The following CSMD3 variants were observed in gnomAD, a reference collection of about 807,000 sequenced individuals.
CSMD3 encodes CUB and sushi domain-containing protein 3.
Under a neutral mutation model 435.2 loss-of-function variants are expected in CSMD3, and 177 were observed. The observed-to-expected ratio is 0.41, with a 90% CI of 0.36 to 0.46. The LOEUF (loss-of-function observed/expected upper bound fraction) is 0.46. Among genes scored for constraint, CSMD3 ranks in the 20% least tolerant of loss-of-function variants. The probability of loss-of-function intolerance (pLI) is 0.34; values close to 1 mark genes in which losing one functional copy is unlikely to be tolerated. For synonymous variants in CSMD3, 1,656 were observed against 1,520.5 expected (o/e 1.09, Z -2.07); for missense variants, 4,265 against 4,504.6 (o/e 0.95, Z 1.52).
intron 13 of CSMD3, among the ~76,000 whole-genome samples, chr8:112,770,187 T>C (rs1318749887): frequency 6.6e-6 from 1 of 152,048 alleles, no homozygotes; most frequent in African/African-American, 2.4e-5. Context: ...TGCTATGTTT[T>C]GAATGTTTGT....
intron 4 of CSMD3, among the ~76,000 whole-genome samples, chr8:113,135,223 TAC>T (rs2091387231): frequency 6.6e-6 from 1 of 151,948 alleles, no homozygotes; most frequent in Non-Finnish European, 1.5e-5. Flanking sequence ...TTGTTATATG[TAC>T]ACACAAATGA....
intron 3 of CSMD3, among the ~76,000 whole-genome samples, chr8:113,243,996 T>C (rs2093249048): frequency 1.3e-5 from 2 of 152,348 alleles, no homozygotes. Flanking sequence ...CATTATAGTA[T>C]AGACTTGTAT....
chr8:112,283,314 TTTG>T (rs1818848072), intron 58 of CSMD3, among the ~76,000 whole-genome samples: 1 of 151,884 alleles, frequency 6.6e-6, no homozygotes, highest in Non-Finnish European at 1.5e-5. Flanking sequence ...TTGCCTTTCT[TTTG>T]TTGCTAGAGA....
intron 24 of CSMD3, among the ~76,000 whole-genome samples, chr8:112,570,016 G>A (rs918356416): frequency 6.6e-6 from 1 of 152,076 alleles, no homozygotes; most frequent in African/African-American, 2.4e-5. Context: ...AATGAAACTG[G>A]AATCATTGTA....
At chr8:112,555,628 T>C (rs913244804) in intron 25 of CSMD3, among the ~76,000 whole-genome samples, 4 of 152,060 alleles carry the variant, frequency 2.6e-5, no homozygotes, top group African/African-American at 7.2e-5. Flanking sequence ...AACCATGTTG[T>C]TTTCTGCATG....
chr8:113,204,670 G>T (rs773411065), intron 3 of CSMD3, among the ~76,000 whole-genome samples: 21 of 151,878 alleles, frequency 1.4e-4, no homozygotes, highest in Admixed American at 5.3e-4. Flanking sequence ...CCCTCTACAG[G>T]TGTCCTATTT....
intron 16 of CSMD3, among the ~76,000 whole-genome samples, chr8:112,669,053 A>G (rs538059424): frequency 5.9e-4 from 89 of 150,836 alleles, no homozygotes; most frequent in Non-Finnish European, 1.1e-3. Context: ...TTTTTTTGAG[A>G]TGGAGCTTTG....
In CSMD3 at chr8:112,612,759, C is replaced by G. The variant is rs1319949655; in HGVS notation, c.3715+24058G>C. 3.0e-5 allele frequency among the ~76,000 whole-genome samples: 4 copies of G among 133,870 alleles called. No individual in the cohort carries two copies. In the South Asian group the frequency reaches 7.2e-4, roughly 24 times the overall value. 87.8% of individuals were successfully genotyped at this position (133,870 alleles called of 152,430 possible). ...TTTCAGATGGAGTCTTGCTCTGTCACCCAGGCTAAGTGCAGTGGCTCCATC... is the reference window on the plus strand; with the variant it reads ...TTTCAGATGGAGTCTTGCTCTGTCAGCCAGGCTAAGTGCAGTGGCTCCATC... On this transcript the variant is annotated intron_variant, in intron 22 of 70. Coordinates refer to ENST00000297405, the MANE Select transcript of CSMD3 (RefSeq NM_198123.2).
chr8:113,224,758 T>G (rs748271156), intron 3 of CSMD3, among the ~76,000 whole-genome samples: 2 of 151,190 alleles, frequency 1.3e-5, no homozygotes, highest in Admixed American at 1.3e-4. Context: ...GCAATAGATG[T>G]GTCTTGTACA....
At chr8:113,074,191 G>T (rs1189843897) in intron 5 of CSMD3, among the ~76,000 whole-genome samples, 1 of 145,596 alleles carries the variant, frequency 6.9e-6, no homozygotes, top group Non-Finnish European at 1.5e-5. Flanking sequence ...ACACACACAC[G>T]CCACCTTGCT....
At position 113,121,635 on chromosome 8, in the gene CSMD3, T is replaced by A. The variant is rs375573828; in HGVS notation, c.710-22672A>T. Among the ~76,000 whole-genome samples the A allele has an allele frequency of 4.9e-4, 75 of 152,184 alleles. No homozygotes were observed. The South Asian group carries it at 0.016, about 32-fold the overall frequency. ...ACTGAGCAATCAATGAACAAAAATATTCAAGAAGTAAATCCTTTCCCTAAA... is the reference window on the plus strand; with the variant it reads ...ACTGAGCAATCAATGAACAAAAATAATCAAGAAGTAAATCCTTTCCCTAAA... On this transcript the variant is annotated intron_variant, in intron 4 of 70. Transcript: ENST00000297405.
At chr8:112,254,892 T>C (rs1025898402) in intron 62 of CSMD3, among the ~76,000 whole-genome samples, 3 of 152,082 alleles carry the variant, frequency 2.0e-5, no homozygotes, top group Non-Finnish European at 1.5e-5. Flanking sequence ...CATTTTGAAA[T>C]CAATATAACT....
chr8:112,600,772 A>T (rs1474371933), intron 22 of CSMD3, among the ~76,000 whole-genome samples: 2 of 151,644 alleles, frequency 1.3e-5, no homozygotes, highest in African/African-American at 4.9e-5. Flanking sequence ...CCACCTCCCA[A>T]GTTCACGCCA....
chr8:112,442,939 T>A (rs1406115069), intron 32 of CSMD3, among the ~76,000 whole-genome samples: 1 of 152,210 alleles, frequency 6.6e-6, no homozygotes, highest in South Asian at 2.1e-4. Context: ...ATGGAACTGT[T>A]ATACAAGAGA....
intron 4 of CSMD3, among the ~76,000 whole-genome samples, chr8:113,172,491 A>G (rs1201265343): frequency 6.6e-6 from 1 of 152,200 alleles, no homozygotes; most frequent in Non-Finnish European, 1.5e-5. Flanking sequence ...AAAGAATGCC[A>G]ACATATAGCA....
intron 31 of CSMD3, among the ~76,000 whole-genome samples, chr8:112,481,305 C>T (rs1240063840): frequency 6.6e-6 from 1 of 152,162 alleles, no homozygotes; most frequent in Non-Finnish European, 1.5e-5. Flanking sequence ...AGAAATGCTA[C>T]TTGAATGTTC....
At chr8:113,197,087 G>A (rs1405660980) in intron 3 of CSMD3, among the ~76,000 whole-genome samples, 2 of 151,148 alleles carry the variant, frequency 1.3e-5, no homozygotes, top group African/African-American at 4.8e-5. Context: ...ATTAAATAGA[G>A]TGATAATAAT....
chr8:112,469,525 A>G (rs547953599), intron 32 of CSMD3, among the ~76,000 whole-genome samples: 34 of 152,154 alleles, frequency 2.2e-4, no homozygotes, highest in Non-Finnish European at 3.4e-4. Context: ...GTGAAAGACA[A>G]TCTTCCCATG....
In CSMD3 at chr8:112,301,904, A is replaced by G; in HGVS notation, c.8329T>C (p.Tyr2777His). 3.7e-6 allele frequency: 6 copies of G among 1,613,172 alleles called. No homozygotes were observed. Among genetic ancestry groups the G allele is most frequent in the South Asian group, 1.1e-5 (1 of 91,068 alleles). ...NGNKIGTQTS[Y>H]GSTAIFTCDL... is the part of the protein sequence containing the mutation. ...CAGGTAAAGATAGCTGTTGAGCCAT[A>G]TGAAGTTTGAGTTCCAATCTTATTT... is the stretch of plus-strand genomic sequence containing the variant. The change falls in exon 53 of 71, where the codon TAT (tyrosine) becomes CAT (histidine). Residue 2777 changes from tyrosine to histidine, a missense_variant. By Grantham distance (83) the Tyr-to-His change is moderately conservative. This residue lies in a region of CSMD3 where 3,255 missense variants were observed against 3,380.2 expected (regional missense o/e 0.96). Coordinates refer to ENST00000297405, the MANE Select transcript of CSMD3 (RefSeq NM_198123.2).
Sources: gnomAD v4.1 joint callset for allele counts (sites outside exome capture counted in the v4.1 genomes callset) on GRCh38, gnomAD v4.1.1 for gene constraint, gnomAD v4.1.1 regional missense constraint, MANE v1.5 for transcripts, NCBI Gene and HGNC (gene_info 2026-07-23, HGNC 2026-07-21) for gene names.